Variants in ALOX12 observed in about 807,000 individuals in gnomAD.
ALOX12 encodes polyunsaturated fatty acid lipoxygenase ALOX12.
A neutral mutation model predicts 85.5 loss-of-function variants in ALOX12; 62 were observed. The ratio of observed to expected loss-of-function variants is 0.73; its 90% confidence interval spans 0.59 to 0.90. The LOEUF (loss-of-function observed/expected upper bound fraction) is 0.90, where lower values mean the gene tolerates loss of function less well. Among genes scored for constraint, ALOX12 ranks in the 40% least tolerant of loss-of-function variants. ALOX12 has a pLI of 0.00. For missense variants in ALOX12, 751 were observed against 856.5 expected (o/e 0.88, Z 1.54); for synonymous variants, 299 against 332.7 (o/e 0.90, Z 1.10).
At chr17:7,007,755 C>T (rs866948138) in intron 11 of ALOX12, among the ~76,000 whole-genome samples, 20 of 152,124 alleles carry the variant, frequency 1.3e-4, no homozygotes, top group African/African-American at 3.6e-4. Flanking sequence ...GTGGCACGCA[C>T]CTGTAATCCC....
chr17:7,007,278 A>C (rs1370503053), intron 11 of ALOX12, among the ~76,000 whole-genome samples: 1 of 152,178 alleles, frequency 6.6e-6, no homozygotes, highest in Admixed American at 6.5e-5. Flanking sequence ...TGAACCTCTG[A>C]GGAAGAAAAA....
chr17:7,006,688 G>A (rs1292348803), intron 11 of ALOX12, 81 bp downstream of exon 11: 3 of 1,491,920 alleles, frequency 2.0e-6, no homozygotes, highest in African/African-American at 2.8e-5. Flanking sequence ...TCTGGGGACA[G>A]GACCCCAGCC....
rs1301962106 is a variant in ALOX12 at position 6,996,248 on chromosome 17, G to A, written c.131G>A (p.Gly44Asp). The A allele has an allele frequency of 7.3e-6, 9 of 1,239,056 alleles. No individual in the cohort carries two copies. Among genetic ancestry groups the A allele is most frequent in the Admixed American group, 8.5e-5 (2 of 23,594 alleles). The allele number at this position is 1,239,056 out of a possible 1,614,324, so 76.8% of individuals were successfully genotyped here. A position where few individuals can be genotyped will look rare whatever the true frequency, so the allele number is the denominator to read the frequency against. The change falls in exon 1 of 14, where the codon GGC becomes GAC. Residue 44 changes from glycine (G) to aspartate (D), a missense_variant. Transcript: ENST00000251535. The part of the protein sequence containing the change: ...ELELQLRPAR[G>D]EEEEFDHDVA... ...GAGCTGCAGCTGCGGCCCGCGCGGGGCGAGGTCAGCGCGGGGAGCGAGGGG... is the reference window on the plus strand; with the variant it reads ...GAGCTGCAGCTGCGGCCCGCGCGGGACGAGGTCAGCGCGGGGAGCGAGGGG...
intron 11 of ALOX12, among the ~76,000 whole-genome samples, chr17:7,007,773 C>T (rs1362251704): frequency 1.3e-5 from 2 of 151,914 alleles, no homozygotes; most frequent in Admixed American, 6.6e-5. Flanking sequence ...CCCAGCTACT[C>T]GGGAGGCTGA....
intron 9 of ALOX12, 101 bp downstream of exon 9, chr17:7,005,444 C>A (rs961910830): frequency 2.2e-6 from 2 of 894,430 alleles, no homozygotes; most frequent in Non-Finnish European, 3.7e-6. Flanking sequence ...TCACTCTTAA[C>A]CTATGAACCT....
Position 6,996,258 on chromosome 17 carries a change from C to CGCGGGGAGCGAGGGGAGCTAGGGCA in ALOX12, c.135+14_135+38dup, listed in dbSNP as rs1362289529. ...TGCGGCCCGCGCGGGGCGAGGTCAG[C>CGCGGGGAGCGAGGGGAGCTAGGGCA]GCGGGGAGCGAGGGGAGCTAGGGCA... On this transcript the variant is annotated splice_region_variant and intron_variant, in intron 1 of 13. Coordinates refer to ENST00000251535, the MANE Select transcript of ALOX12 (RefSeq NM_000697.3). 1.6e-5 allele frequency: 20 copies of CGCGGGGAGCGAGGGGAGCTAGGGCA among 1,233,904 alleles called. No homozygotes were observed. Among genetic ancestry groups the CGCGGGGAGCGAGGGGAGCTAGGGCA allele is most frequent in the Admixed American group, 1.3e-4 (3 of 23,454 alleles). 76.4% of individuals were successfully genotyped at this position (1,233,904 alleles called of 1,614,324 possible). A position where few individuals can be genotyped will look rare whatever the true frequency, so the allele number is the denominator to read the frequency against.
rs1227393119 is a variant in ALOX12, at chr17:7,006,059, CCGGG to C, written c.1418+33_1418+36del. 64 of 135,680 alleles carry C rather than the reference CCGGG, an allele frequency of 4.7e-4. 12 individuals carry two copies. The highest frequency in any genetic ancestry group is 1.8e-3 in the South Asian group (15 of 8,214). 8.4% of individuals were successfully genotyped at this position (135,680 alleles called of 1,614,324 possible). On this transcript the variant is annotated intron_variant, in intron 10 of 13. Transcript: ENST00000251535. ...AAGGAGGAGCTGAGAAATGGTGGGG[CCGGG>C]GGGGGGGGGGGCTCTGGCCTGAGGC...
chr17:6,999,232 A>G (rs1465492987), intron 5 of ALOX12, 74 bp from the exon 6 acceptor site: 1 of 1,594,204 alleles, frequency 6.3e-7, no homozygotes, highest in East Asian at 2.2e-5. Context: ...ATATACCTGA[A>G]CCCCTGGGGT....
rs761497528 is a variant in ALOX12 at position 6,996,904 on chromosome 17, G to C, written c.214G>C (p.Val72Leu). 6.2e-7 allele frequency: 1 copy of C among 1,613,834 alleles called. No individual in the cohort carries two copies. The highest frequency in any genetic ancestry group is 8.5e-7 in the Non-Finnish European group (1 of 1,179,836). The change falls in exon 2 of 14, where the codon GTG becomes CTG. Residue 72 changes from valine to leucine, a missense_variant. Coordinates refer to ENST00000251535, the MANE Select transcript of ALOX12 (RefSeq NM_000697.3). Reference sequence around the variant, plus strand: ...GAGGCTGCGCAAGCACCACTGGCTGGTGGACGACGCGTGGTTCTGCGACCG... The same window carrying C: ...GAGGCTGCGCAAGCACCACTGGCTGCTGGACGACGCGTGGTTCTGCGACCG... ...FVRLRKHHWLVDDAWFCDRIT... is the reference protein window; with the variant it reads ...FVRLRKHHWLLDDAWFCDRIT...
chr17:7,004,908 T>A (rs1034257056), intron 8 of ALOX12, among the ~76,000 whole-genome samples: 5 of 152,176 alleles, frequency 3.3e-5, no homozygotes, highest in African/African-American at 1.2e-4. Flanking sequence ...TTATGTGTAA[T>A]AGACACTCTC....
chr17:7,007,620 A>C (rs1909151777), intron 11 of ALOX12, among the ~76,000 whole-genome samples: 1 of 152,184 alleles, frequency 6.6e-6, no homozygotes, highest in African/African-American at 2.4e-5. Context: ...ACAGTGGCTC[A>C]CGCTTGTAAT....
intron 11 of ALOX12, among the ~76,000 whole-genome samples, chr17:7,008,522 G>C (rs1396359649): frequency 6.6e-6 from 1 of 152,188 alleles, no homozygotes; most frequent in Non-Finnish European, 1.5e-5. Context: ...AAGGTGGGCA[G>C]ATCACCTGAG....
intron 7 of ALOX12, chr17:7,001,112 G>A (rs1908687757): frequency 1.2e-5 from 2 of 162,250 alleles, no homozygotes; most frequent in Non-Finnish European, 2.7e-5. Flanking sequence ...ATGTGGGCCT[G>A]GCTAATTTTT....
chr17:7,002,152 T>G, intron 8 of ALOX12: 1 of 344,706 alleles, frequency 2.9e-6, no homozygotes, highest in South Asian at 2.6e-5. Context: ...CAGAGAACAG[T>G]ATCTGGTACT....
intron 11 of ALOX12, among the ~76,000 whole-genome samples, chr17:7,007,812 C>T (rs763827149): frequency 6.6e-6 from 1 of 152,000 alleles, no homozygotes; most frequent in Non-Finnish European, 1.5e-5. Context: ...ACTTGGGAGG[C>T]GGAGGTTGCA....
chr17:7,010,032 C>T lies in ALOX12; in HGVS notation c.1718C>T (p.Thr573Met), dbSNP rs777885513. 1.6e-5 allele frequency: 26 copies of T among 1,614,190 alleles called. No individual in the cohort carries two copies. The highest frequency in any genetic ancestry group is 2.2e-5 in the Non-Finnish European group (26 of 1,180,038). Residue 573 changes from threonine (T) to methionine (M), a missense_variant, in exon 13 of 14, where the codon ACG becomes ATG. Coordinates refer to ENST00000251535, the MANE Select transcript of ALOX12 (RefSeq NM_000697.3). The part of the protein sequence containing the change: ...MPPPTTKEDV[T>M]MATVMGSLPD... ...CCACCCACCACCAAGGAAGATGTGA[C>T]GATGGCCACAGTGATGGGGTCACTA...
intron 10 of ALOX12, 38 bp downstream of exon 10, chr17:7,006,065 G>GGGGGGGGGGGGGGGGGGGT: frequency 5.9e-6 from 1 of 169,700 alleles, no homozygotes; most frequent in Non-Finnish European, 1.3e-5. Flanking sequence ...GGGGCCGGGG[G>GGGGGGGGGGGGGGGGGGGT]GGGGGGGGGC....
intron 8 of ALOX12, chr17:7,002,365 A>C (rs1055495581): frequency 1.8e-5 from 7 of 389,516 alleles, no homozygotes; most frequent in African/African-American, 1.5e-4. Context: ...AAAGAATCTA[A>C]AACGTAGTGA....
chr17:7,006,629 G>A (rs766442182), intron 11 of ALOX12, 22 bp downstream of exon 11: 2 of 1,554,472 alleles, frequency 1.3e-6, no homozygotes. Context: ...TCTAGAGACA[G>A]AAGAAGCTCC....
Sources: gnomAD v4.1 joint callset for allele counts (sites outside exome capture counted in the v4.1 genomes callset) on GRCh38, gnomAD v4.1.1 for gene constraint, MANE v1.5 for transcripts, NCBI Gene and HGNC (gene_info 2026-07-23, HGNC 2026-07-21) for gene names.